Variants in TASP1 observed in about 807,000 individuals in gnomAD.
The protein encoded by TASP1 is threonine aspartase 1.
A neutral mutation model predicts 56.6 loss-of-function variants in TASP1; 16 were observed. The observed-to-expected ratio is 0.28, with a 90% confidence interval of 0.19 to 0.43. The LOEUF is 0.43. Ranked by LOEUF, TASP1 falls within the 20% of genes least tolerant of loss-of-function variation. The pLI is 1.00. For missense variants in TASP1, 393 were observed against 511.6 expected (o/e 0.77, Z 2.24); for synonymous variants, 179 against 184.2 (o/e 0.97, Z 0.23).
chr20:13,589,042 T>A (rs1409315875), intron 4 of TASP1, among the ~76,000 whole-genome samples: 1 of 150,924 alleles, frequency 6.6e-6, no homozygotes, highest in Non-Finnish European at 1.5e-5. Flanking sequence ...ATAAAGAAGG[T>A]ATAGTCTTTC....
rs969877702 is a variant in TASP1 at position 13,469,101 on chromosome 20, T to A, written c.985+14126A>T. On this transcript the variant is annotated intron_variant, in intron 11 of 13. Coordinates refer to ENST00000337743, the MANE Select transcript of TASP1 (RefSeq NM_017714.3). ...TAGCTCTTTTTAACGTAACGCAAGA[T>A]TGTTTACAGAGTTTGGGAGTTTGGT... is the stretch of plus-strand genomic sequence containing the variant. 2.0e-5 allele frequency among the ~76,000 whole-genome samples: 3 copies of A among 152,158 alleles called. 1 individual carries two copies. Among genetic ancestry groups the A allele is most frequent in the Non-Finnish European group, 4.4e-5 (3 of 68,020 alleles).
the TASP1 span, among the ~76,000 whole-genome samples, chr20:13,160,313 C>G: frequency 6.6e-6 from 1 of 152,224 alleles, no homozygotes; most frequent in African/African-American, 2.4e-5. Context: ...TGTGACCACT[C>G]AGTAGATAGA....
intron 10 of TASP1, among the ~76,000 whole-genome samples, chr20:13,512,252 T>C (rs999981642): frequency 6.6e-5 from 10 of 152,118 alleles, no homozygotes; most frequent in African/African-American, 2.4e-4. Context: ...TTTCTCCACA[T>C]CCTCTCCAGC....
chr20:13,142,258 G>A, the TASP1 span, among the ~76,000 whole-genome samples: 19 of 152,182 alleles, frequency 1.2e-4, no homozygotes, highest in East Asian at 7.7e-4. Flanking sequence ...CCTTCCAGCC[G>A]TCCCACAAAC....
chr20:13,164,721 A>T, the TASP1 span: 1 of 1,562,218 alleles, frequency 6.4e-7, no homozygotes, highest in Non-Finnish European at 8.8e-7. Flanking sequence ...TTAGGTGTTC[A>T]ATGATAGCTA....
the TASP1 span, among the ~76,000 whole-genome samples, chr20:13,194,103 AGTTTT>A: frequency 6.6e-6 from 1 of 152,180 alleles, no homozygotes. Context: ...AGCTATCATT[AGTTTT>A]GTTTTTTCTT....
At chr20:13,341,614 A>T in the TASP1 span, among the ~76,000 whole-genome samples, 1 of 152,176 alleles carries the variant, frequency 6.6e-6, no homozygotes, top group South Asian at 2.1e-4. Flanking sequence ...TTCAACAAAC[A>T]TTTCTTGTGG....
At chr20:13,205,815 G>A in the TASP1 span, among the ~76,000 whole-genome samples, 4 of 152,226 alleles carry the variant, frequency 2.6e-5, no homozygotes, top group East Asian at 7.7e-4. Flanking sequence ...AAGGAGCCAG[G>A]ACTGAGAGTG....
chr20:13,395,187 G>C (rs902344798), intron 13 of TASP1, among the ~76,000 whole-genome samples: 3 of 152,206 alleles, frequency 2.0e-5, no homozygotes, highest in African/African-American at 7.2e-5. Flanking sequence ...GGGGGCCCTT[G>C]AGTCTTGTCC....
the TASP1 span, among the ~76,000 whole-genome samples, chr20:13,225,900 A>G: frequency 6.6e-6 from 1 of 152,216 alleles, no homozygotes; most frequent in African/African-American, 2.4e-5. Context: ...ATAGATATAT[A>G]ATAAAAGTCA....
the TASP1 span, among the ~76,000 whole-genome samples, chr20:13,337,038 T>C: frequency 2.0e-3 from 301 of 152,244 alleles, 1 homozygote; most frequent in Middle Eastern, 0.017. Flanking sequence ...GATTTCCAGG[T>C]TCGATGTTTT....
chr20:13,119,441 C>G, the TASP1 span, among the ~76,000 whole-genome samples: 1 of 152,154 alleles, frequency 6.6e-6, no homozygotes, highest in Admixed American at 6.6e-5. Flanking sequence ...AAGATGTAGG[C>G]GTTCTTGTCC....
the TASP1 span, among the ~76,000 whole-genome samples, chr20:13,358,838 C>T: frequency 4.7e-5 from 7 of 150,090 alleles, no homozygotes; most frequent in Admixed American, 6.6e-5. Flanking sequence ...TCACCCTTAG[C>T]GGCAAGTCCC....
chr20:13,498,503 C>A lies in TASP1; in HGVS notation c.875-15166G>T, dbSNP rs147561128. Among the ~76,000 whole-genome samples, 279 of 151,966 alleles carry A rather than the reference C, an allele frequency of 1.8e-3. 1 individual carries two copies. Among genetic ancestry groups the A allele is most frequent in the African/African-American group, 6.3e-3 (262 of 41,434 alleles). On this transcript the variant is annotated intron_variant, in intron 10 of 13. Coordinates refer to ENST00000337743, the MANE Select transcript of TASP1 (RefSeq NM_017714.3). ...CCTCCCAAGTAGCTGGTACTACAGGCACCCACCACCACGCCCAGCTAATTT... is the reference window on the plus strand; with the variant it reads ...CCTCCCAAGTAGCTGGTACTACAGGAACCCACCACCACGCCCAGCTAATTT...
the TASP1 span, among the ~76,000 whole-genome samples, chr20:13,313,584 G>C: frequency 6.6e-6 from 1 of 152,190 alleles, no homozygotes; most frequent in Non-Finnish European, 1.5e-5. Context: ...GAGACTGCCT[G>C]ATTTTGCAAA....
At chr20:13,325,693 G>A in the TASP1 span, among the ~76,000 whole-genome samples, 1 of 152,032 alleles carries the variant, frequency 6.6e-6, no homozygotes, top group Non-Finnish European at 1.5e-5. Flanking sequence ...GTGACATGTG[G>A]GTAATATCCA....
At chr20:13,152,727 A>G in the TASP1 span, among the ~76,000 whole-genome samples, 1 of 152,310 alleles carries the variant, frequency 6.6e-6, no homozygotes, top group East Asian at 1.9e-4. Context: ...ACCACCTTGT[A>G]GAAAAGAGGA....
At chr20:13,327,869 G>C in the TASP1 span, among the ~76,000 whole-genome samples, 3 of 152,050 alleles carry the variant, frequency 2.0e-5, no homozygotes, top group Non-Finnish European at 2.9e-5. Flanking sequence ...GAAAATCTAG[G>C]CAATCCCATT....
the TASP1 span, among the ~76,000 whole-genome samples, chr20:13,313,501 A>G: frequency 1.3e-5 from 2 of 152,090 alleles, no homozygotes; most frequent in Non-Finnish European, 2.9e-5. Flanking sequence ...TCTGTACAAC[A>G]CTTTCCTTTT....
Sources: allele counts gnomAD v4.1 joint callset (sites outside exome capture counted in the v4.1 genomes callset), GRCh38; gene constraint gnomAD v4.1.1; transcripts MANE v1.5; gene names NCBI Gene and HGNC (gene_info 2026-07-23, HGNC 2026-07-21).